DIAPH2: variants seen among roughly 807,000 people sequenced by gnomAD.
DIAPH2 encodes diaphanous related formin 2.
Under a neutral mutation model 92.7 loss-of-function variants are expected in DIAPH2, and 35 were observed. The ratio of observed to expected loss-of-function variants is 0.38; its 90% CI spans 0.29 to 0.50. DIAPH2 has a LOEUF of 0.50. DIAPH2 is among the 20% of genes least tolerant of loss of function. The probability of loss-of-function intolerance (pLI) is 0.94; values close to 1 mark genes in which losing one functional copy is unlikely to be tolerated. For synonymous variants in DIAPH2, 301 were observed against 280.4 expected (o/e 1.07, Z -0.73); for missense variants, 701 against 819.5 (o/e 0.86, Z 1.77).
At chrX:97,488,222 A>G (rs1031188669) in intron 26 of DIAPH2, among the ~76,000 whole-genome samples, 2 of 111,646 alleles carry the variant, frequency 1.8e-5, no homozygotes, top group African/African-American at 3.3e-5. Context: ...TGAACTCCCA[A>G]CCTCAGGTGA....
intron 21 of DIAPH2, among the ~76,000 whole-genome samples, chrX:97,124,063 CATG>C: frequency 8.9e-6 from 1 of 112,256 alleles, no homozygotes; most frequent in East Asian, 2.8e-4. Context: ...TGTGGAGATG[CATG>C]ATATCTTTCT....
intron 24 of DIAPH2, among the ~76,000 whole-genome samples, chrX:97,363,275 T>G (rs1490967391): frequency 8.9e-6 from 1 of 112,020 alleles, no homozygotes; most frequent in Non-Finnish European, 1.9e-5. Context: ...CATTTCAAAA[T>G]CAATGGCTCT....
At chrX:96,746,750 T>A (rs2064152978) in intron 3 of DIAPH2, among the ~76,000 whole-genome samples, 1 of 110,215 alleles carries the variant, frequency 9.1e-6, no homozygotes, top group South Asian at 3.9e-4. Context: ...TCTTGCTATT[T>A]TGCCCAGGCT....
intron 17 of DIAPH2, among the ~76,000 whole-genome samples, chrX:96,975,316 C>T (rs1304040960): frequency 9.0e-6 from 1 of 111,699 alleles, no homozygotes; most frequent in Non-Finnish European, 1.9e-5. Context: ...ATTTAGTGAA[C>T]TAATGAAAAG....
intron 23 of DIAPH2, among the ~76,000 whole-genome samples, chrX:97,304,021 T>C (rs1457883682): frequency 1.7e-4 from 19 of 111,961 alleles, no homozygotes. Context: ...CATTGAAATA[T>C]TCAGGGGGAG....
At chrX:96,987,382 T>C (rs2066039760) in intron 17 of DIAPH2, among the ~76,000 whole-genome samples, 1 of 111,678 alleles carries the variant, frequency 9.0e-6, no homozygotes, top group African/African-American at 3.2e-5. Context: ...TCATATGCCA[T>C]ACACTACTAG....
chrX:97,412,972 A>T (rs2069894894), intron 25 of DIAPH2, among the ~76,000 whole-genome samples: 1 of 111,947 alleles, frequency 8.9e-6, no homozygotes, highest in African/African-American at 3.3e-5. Flanking sequence ...ATTCTACCAG[A>T]AGTACAAAGA....
At chrX:96,936,615 A>G in intron 10 of DIAPH2, among the ~76,000 whole-genome samples, 1 of 112,095 alleles carries the variant, frequency 8.9e-6, no homozygotes, top group Non-Finnish European at 1.9e-5. Context: ...GTATTACAAA[A>G]ACATAACTTT....
chrX:97,507,175 T>G (rs775772829), intron 26 of DIAPH2, among the ~76,000 whole-genome samples: 1 of 83,037 alleles, frequency 1.2e-5, no homozygotes, highest in Non-Finnish European at 2.5e-5. Context: ...AATCCCTACC[T>G]TCAGAGAGCA....
At chrX:97,250,931 AC>A (rs1302956159) in intron 23 of DIAPH2, among the ~76,000 whole-genome samples, 1 of 111,823 alleles carries the variant, frequency 8.9e-6, no homozygotes, top group African/African-American at 3.2e-5. Context: ...ATCAGAAAAA[AC>A]ATAGACAAAA....
chrX:96,948,941 G>A lies in DIAPH2; in HGVS notation c.1516G>A (p.Glu506Lys). The A allele has an allele frequency of 8.4e-7, 1 of 1,188,753 alleles. No individual in the cohort carries two copies. Among genetic ancestry groups the A allele is most frequent in the Non-Finnish European group, 1.1e-6 (1 of 879,995 alleles). The change falls in exon 15 of 27, where the codon GAA becomes AAA. Residue 506 changes from glutamate to lysine, a missense_variant. Physicochemically the swap from Glu to Lys is moderately conservative, Grantham distance 56. Around this residue, in one of 3 missense-constraint regions of DIAPH2, gnomAD observed 536 missense variants for 599.3 expected, o/e 0.89. Coordinates refer to ENST00000324765, the MANE Select transcript of DIAPH2 (RefSeq NM_006729.5). ...TTGATGGTGATCATTGCAGTTCGAT[G>A]AAGAATTCACAGCTCGACAGGAAGC... ...KAAEFSKKFD[E>K]EFTARQEAQA... is the part of the protein sequence containing the mutation.
rs140379591 is a variant in DIAPH2, at chrX:97,531,266, T to C, written c.3242-67987T>C. On this transcript the variant is annotated intron_variant, in intron 26 of 26. Coordinates refer to ENST00000324765, the MANE Select transcript of DIAPH2 (RefSeq NM_006729.5). ...TCCTTCTTCCAGTCGTTTTCCATTT[T>C]TACTTCCTTTTCCACTACTATTTTA... Among the ~76,000 whole-genome samples the C allele has an allele frequency of 5.9e-3, 660 of 111,512 alleles. 5 individuals are homozygous for C. Among genetic ancestry groups the C allele is most frequent in the Non-Finnish European group, 7.8e-3 (413 of 53,031 alleles).
intron 22 of DIAPH2, among the ~76,000 whole-genome samples, chrX:97,160,173 G>A (rs1177812713): frequency 1.8e-5 from 2 of 111,694 alleles, no homozygotes; most frequent in East Asian, 2.8e-4. Flanking sequence ...ATAAGGATGT[G>A]TAACTGCTTT....
intron 17 of DIAPH2, among the ~76,000 whole-genome samples, chrX:97,042,794 C>A (rs1018438448): frequency 2.7e-5 from 3 of 111,467 alleles, no homozygotes; most frequent in African/African-American, 9.7e-5. Context: ...TGTTGTGAAA[C>A]CCTGCTAAAA....
In DIAPH2 at chrX:96,903,171, C is replaced by G. The variant is rs73250764; in HGVS notation, c.588-9157C>G. ...AATTCACCAATTTCTCTGCTGCCCA[C>G]TAGAATCAGATAGTATAACATACAA... On this transcript the variant is annotated intron_variant, in intron 5 of 26. Transcript: ENST00000324765. 6.3e-3 allele frequency among the ~76,000 whole-genome samples: 697 copies of G among 110,157 alleles called. 1 individual carries two copies. Among genetic ancestry groups the G allele is most frequent in the Middle Eastern group, 0.024 (5 of 211 alleles).
intron 3 of DIAPH2, among the ~76,000 whole-genome samples, chrX:96,742,798 C>A (rs2064127986): frequency 9.1e-6 from 1 of 110,119 alleles, no homozygotes; most frequent in South Asian, 3.9e-4. Context: ...TCCCAAGTAG[C>A]TGGGATTACA....
chrX:97,329,687 C>T (rs1052874235), intron 23 of DIAPH2, among the ~76,000 whole-genome samples: 16 of 110,738 alleles, frequency 1.4e-4, no homozygotes, highest in East Asian at 8.6e-4. Flanking sequence ...GGGAACGAGC[C>T]GGGTTCTCCA....
At chrX:96,794,471 C>T (rs777158250) in intron 4 of DIAPH2, among the ~76,000 whole-genome samples, 1 of 108,065 alleles carries the variant, frequency 9.3e-6, no homozygotes, top group Non-Finnish European at 1.9e-5. Context: ...ATTTCAACTC[C>T]GCTAGGAACA....
chrX:96,926,166 A>G lies in DIAPH2; in HGVS notation c.979-4567A>G, dbSNP rs190057079. On this transcript the variant is annotated intron_variant, in intron 9 of 26. Transcript: ENST00000324765. ...GTACCCCATAGCTCTGTGAATTGTG[A>G]TTAAATAGATAGATGTTTGTATAGT... is the stretch of plus-strand genomic sequence containing the variant. Among the ~76,000 whole-genome samples, 657 of 111,420 alleles carry G rather than the reference A, an allele frequency of 5.9e-3. 11 individuals are homozygous for G. Among genetic ancestry groups the G allele is most frequent in the African/African-American group, 0.02 (624 of 30,704 alleles).
Sources: gnomAD v4.1 joint callset for allele counts (sites outside exome capture counted in the v4.1 genomes callset) on GRCh38, gnomAD v4.1.1 for gene constraint, gnomAD v4.1.1 regional missense constraint, MANE v1.5 for transcripts, NCBI Gene and HGNC (gene_info 2026-07-23, HGNC 2026-07-21) for gene names.